ATP10B: variants seen among roughly 807,000 people sequenced by gnomAD.
The protein encoded by ATP10B is phospholipid-transporting ATPase VB.
A neutral mutation model predicts 141.2 loss-of-function variants in ATP10B; 122 were observed. The ratio of observed to expected loss-of-function variants is 0.86; its 90% CI spans 0.75 to 1.00. ATP10B has a LOEUF of 1.00. Ranked by LOEUF, ATP10B falls within the 50% of genes least tolerant of loss-of-function variation. ATP10B has a pLI of 0.00. For synonymous variants in ATP10B, 685 were observed against 692.0 expected (o/e 0.99, Z 0.16); for missense variants, 1,876 against 1,825.3 (o/e 1.03, Z -0.51).
chr5:160,774,806 G>A lies in ATP10B; in HGVS notation c.-331+10753C>T, dbSNP rs555265029. ...GCTTTGTCTGTTTGTGAAGGGCAAG[G>A]CCTCTTTGTTTTCTGCAGGGGGCCT... On this transcript the variant is annotated intron_variant, in intron 2 of 25. Transcript: ENST00000327245. Among the ~76,000 whole-genome samples, 45 of 152,296 alleles carry A rather than the reference G, an allele frequency of 3.0e-4. 1 individual carries two copies. In the Middle Eastern group the frequency reaches 0.014, roughly 46 times the overall value.
the ATP10B span, among the ~76,000 whole-genome samples, chr5:160,927,011 T>C: frequency 6.6e-6 from 1 of 152,222 alleles, no homozygotes; most frequent in Non-Finnish European, 1.5e-5. Context: ...CCTGTGCATC[T>C]CAAAACAACC....
the ATP10B span, among the ~76,000 whole-genome samples, chr5:160,900,757 T>A: frequency 1.3e-5 from 2 of 151,864 alleles, no homozygotes; most frequent in East Asian, 3.9e-4. Context: ...TACACCAAAA[T>A]ATATCTGCAT....
chr5:160,925,323 A>G, the ATP10B span, among the ~76,000 whole-genome samples: 2 of 152,252 alleles, frequency 1.3e-5, no homozygotes, highest in Admixed American at 1.3e-4. Context: ...TTTGAAGTTC[A>G]TTATGGACCT....
chr5:160,694,765 A>C (rs552961029), intron 3 of ATP10B, among the ~76,000 whole-genome samples: 1 of 152,338 alleles, frequency 6.6e-6, no homozygotes, highest in African/African-American at 2.4e-5. Flanking sequence ...CAGGTGAGTA[A>C]AACCTACCCA....
intron 2 of ATP10B, among the ~76,000 whole-genome samples, chr5:160,718,893 C>T (rs1765814466): frequency 6.6e-6 from 1 of 152,158 alleles, no homozygotes; most frequent in Non-Finnish European, 1.5e-5. Context: ...GAGTGCTCCT[C>T]GTGAACAGGG....
chr5:160,912,414 C>CAAA, the ATP10B span, among the ~76,000 whole-genome samples: 182 of 88,854 alleles, frequency 2.0e-3, 5 homozygotes, highest in African/African-American at 3.8e-3. Flanking sequence ...CTGTTTCTAC[C>CAAA]AAAAAAAAAA....
At chr5:160,700,950 C>A (rs1764634644) in intron 3 of ATP10B, among the ~76,000 whole-genome samples, 1 of 152,090 alleles carries the variant, frequency 6.6e-6, no homozygotes, top group African/African-American at 2.4e-5. Flanking sequence ...TTTGATTCCT[C>A]TTTTACCTCT....
chr5:160,823,001 CATATATAT>C (rs60078265), intron 1 of ATP10B, among the ~76,000 whole-genome samples: 463 of 34,514 alleles, frequency 0.013, 19 homozygotes, highest in African/African-American at 0.04. Context: ...TATATATATA[CATATATAT>C]ATATATATAT....
intron 6 of ATP10B, among the ~76,000 whole-genome samples, chr5:160,683,040 CAAAAAAAAA>C (rs35571529): frequency 3.0e-5 from 2 of 66,978 alleles, no homozygotes; most frequent in Admixed American, 2.2e-4. Flanking sequence ...CTCTGTCCCC[CAAAAAAAAA>C]AAAAAAAAAA....
intron 1 of ATP10B, among the ~76,000 whole-genome samples, chr5:160,842,487 GCAGA>G (rs1324641128): frequency 3.9e-5 from 6 of 151,914 alleles, no homozygotes; most frequent in Admixed American, 2.0e-4. Context: ...AAAAAATATA[GCAGA>G]AAGAATTTTA....
At chr5:160,925,385 C>A in the ATP10B span, among the ~76,000 whole-genome samples, 1 of 152,178 alleles carries the variant, frequency 6.6e-6, no homozygotes, top group African/African-American at 2.4e-5. Flanking sequence ...CTGACAATAA[C>A]CCTAGGGGAT....
rs185253889 is a variant in ATP10B at position 160,840,236 on chromosome 5, A to G, written c.-576+11705T>C. 6.0e-3 allele frequency among the ~76,000 whole-genome samples: 913 copies of G among 152,138 alleles called. 13 individuals are homozygous for G. The highest frequency in any genetic ancestry group is 0.021 in the African/African-American group (869 of 41,548). The stretch of plus-strand genomic sequence containing the variant: ...TTGACAAGCTTTCTTGTCAAGTTAG[A>G]TATATTGGGACTAAAGTTCACATGG... On this transcript the variant is annotated intron_variant, in intron 1 of 25. Coordinates refer to ENST00000327245, the MANE Select transcript of ATP10B (RefSeq NM_025153.3).
intron 7 of ATP10B, among the ~76,000 whole-genome samples, chr5:160,653,592 T>TATATACATATACATATATACATATATAC (rs1224577077): frequency 0.077 from 552 of 7,172 alleles, 81 homozygotes; most frequent in African/African-American, 0.13. Context: ...CATATATACA[T>TATATACATATACATATATACATATATAC]ATATACATAT....
At chr5:160,587,034 G>A (rs2127607469) in intron 24 of ATP10B, among the ~76,000 whole-genome samples, 1 of 152,278 alleles carries the variant, frequency 6.6e-6, no homozygotes, top group Non-Finnish European at 1.5e-5. Flanking sequence ...CTGTGCCTAT[G>A]TCCTGAATGG....
At chr5:160,795,227 GA>G (rs1307635050) in intron 1 of ATP10B, among the ~76,000 whole-genome samples, 2 of 152,064 alleles carry the variant, frequency 1.3e-5, no homozygotes, top group African/African-American at 2.4e-5. Context: ...TCTCAAACAG[GA>G]TATCTCAATT....
intron 1 of ATP10B, among the ~76,000 whole-genome samples, chr5:160,842,346 C>T (rs1424749743): frequency 6.6e-6 from 1 of 151,714 alleles, no homozygotes; most frequent in Non-Finnish European, 1.5e-5. Context: ...ATTGGGGAAA[C>T]GATAGCCTTA....
Position 160,688,860 on chromosome 5 carries a change from A to T in ATP10B, c.-121T>A, listed in dbSNP as rs1003027832. The T allele has an allele frequency of 1.0e-6, 1 of 984,946 alleles. No homozygotes were observed. The highest frequency in any genetic ancestry group is 1.2e-6 in the Non-Finnish European group (1 of 829,936). The allele number at this position is 984,946 out of a possible 1,614,324, so 61.0% of individuals were successfully genotyped here. A position where few individuals can be genotyped will look rare whatever the true frequency, so the allele number is the denominator to read the frequency against. On this transcript the variant is annotated 5_prime_UTR_variant, in exon 4 of 26. Coordinates refer to ENST00000327245, the MANE Select transcript of ATP10B (RefSeq NM_025153.3). ...AGGTGACTGGGCTGTGCTACTGTCC[A>T]GTCAGCTGGCTTTTCTTAATCTAGA...
chr5:160,827,274 T>G (rs1774685382), intron 1 of ATP10B, among the ~76,000 whole-genome samples: 1 of 152,208 alleles, frequency 6.6e-6, no homozygotes, highest in South Asian at 2.1e-4. Flanking sequence ...GTTGAAATAT[T>G]GGGGGCAGGT....
At chr5:160,854,246 A>G (rs1715552622), upstream of ATP10B, among the ~76,000 whole-genome samples, 1 of 152,114 alleles carries the variant, frequency 6.6e-6, no homozygotes, top group Non-Finnish European at 1.5e-5. Flanking sequence ...TTACATAGGT[A>G]TACACGTGCC....
Sources: allele counts gnomAD v4.1 joint callset (sites outside exome capture counted in the v4.1 genomes callset), GRCh38; gene constraint gnomAD v4.1.1; transcripts MANE v1.5; gene names NCBI Gene and HGNC (gene_info 2026-07-23, HGNC 2026-07-21).